The following FRMPD4 variants were observed in gnomAD, a reference collection of about 807,000 sequenced individuals.
FRMPD4 encodes FERM and PDZ domain containing 4.
In FRMPD4, 22 loss-of-function variants were observed where a neutral mutation model predicts 94.1. That is an observed-to-expected ratio of 0.23 (90% CI 0.17 to 0.33). The LOEUF is 0.33. Ranked by LOEUF, FRMPD4 falls within the 10% of genes least tolerant of loss-of-function variation. The pLI is 1.00. For synonymous variants in FRMPD4, 631 were observed against 548.6 expected, an observed-to-expected ratio of 1.15 and a Z score of -2.10; for missense variants, 1,111 against 1,339.9, an observed-to-expected ratio of 0.83 and a Z score of 2.67.
intron 3 of FRMPD4, among the ~76,000 whole-genome samples, chrX:11,985,712 T>A (rs2054426051): frequency 9.0e-6 from 1 of 111,099 alleles, no homozygotes; most frequent in Non-Finnish European, 1.9e-5. Context: ...ACAGACTGAC[T>A]GAAGAGCTCT....
At chrX:12,712,090 T>A (rs769901188) in intron 14 of FRMPD4, among the ~76,000 whole-genome samples, 9 of 111,658 alleles carry the variant, frequency 8.1e-5, no homozygotes, top group Admixed American at 1.9e-4. Context: ...TGATTTTTTT[T>A]AATTTCTCTG....
intron 1 of FRMPD4, among the ~76,000 whole-genome samples, chrX:12,352,717 T>A (rs1250628875): frequency 1.8e-5 from 2 of 112,396 alleles, no homozygotes; most frequent in Non-Finnish European, 3.8e-5. Context: ...CCAAAGAGAA[T>A]AGTTTGGCAA....
chrX:12,286,270 TTTC>T (rs1390888459), intron 1 of FRMPD4, among the ~76,000 whole-genome samples: 3 of 109,233 alleles, frequency 2.7e-5, no homozygotes, highest in African/African-American at 1.1e-4. Flanking sequence ...CTGTTTTTTT[TTTC>T]TTGTGAGATA....
intron 3 of FRMPD4, among the ~76,000 whole-genome samples, chrX:11,988,462 T>C (rs776150462): frequency 8.9e-6 from 1 of 112,295 alleles, no homozygotes; most frequent in South Asian, 3.6e-4. Flanking sequence ...GACTTAAATC[T>C]AAGACCTCAA....
At chrX:12,076,941 T>C (rs1419736344) in intron 3 of FRMPD4, among the ~76,000 whole-genome samples, 1 of 112,146 alleles carries the variant, frequency 8.9e-6, no homozygotes, top group Non-Finnish European at 1.9e-5. Context: ...ATTATTTTAA[T>C]ACCATTTCCA....
chrX:12,161,550 G>A (rs980483377), intron 1 of FRMPD4, among the ~76,000 whole-genome samples: 4 of 111,585 alleles, frequency 3.6e-5, no homozygotes, highest in Non-Finnish European at 7.5e-5. Context: ...TTGTTATTCC[G>A]GTTTTATAGA....
intron 3 of FRMPD4, among the ~76,000 whole-genome samples, chrX:11,986,132 C>A (rs767107030): frequency 8.9e-6 from 1 of 112,346 alleles, no homozygotes; most frequent in South Asian, 3.7e-4. Context: ...CAGTACAGTC[C>A]CAGTGTTGAT....
At chrX:12,384,921 A>G (rs925686791) in intron 1 of FRMPD4, among the ~76,000 whole-genome samples, 7 of 112,277 alleles carry the variant, frequency 6.2e-5, no homozygotes, top group Non-Finnish European at 1.3e-4. Context: ...GTTCCTCAGA[A>G]TATAACTTGA....
intron 3 of FRMPD4, among the ~76,000 whole-genome samples, chrX:12,062,568 C>T (rs906350980): frequency 1.8e-5 from 2 of 111,577 alleles, no homozygotes; most frequent in African/African-American, 6.5e-5. Flanking sequence ...CGGCTCACTG[C>T]AACCTCTGCC....
chrX:12,319,525 T>C (rs2055176629), intron 1 of FRMPD4, among the ~76,000 whole-genome samples: 1 of 111,482 alleles, frequency 9.0e-6, no homozygotes, highest in South Asian at 3.8e-4. Flanking sequence ...TAAGGGAAGA[T>C]AGTTTCTCCC....
At chrX:12,458,431 A>G (rs2057357526) in intron 1 of FRMPD4, among the ~76,000 whole-genome samples, 1 of 111,814 alleles carries the variant, frequency 8.9e-6, no homozygotes, top group Non-Finnish European at 1.9e-5. Flanking sequence ...GGGTAACCAC[A>G]CTAAAACTTA....
intron 1 of FRMPD4, among the ~76,000 whole-genome samples, chrX:12,354,573 C>T (rs1455099318): frequency 8.9e-6 from 1 of 112,514 alleles, no homozygotes; most frequent in Non-Finnish European, 1.9e-5. Context: ...CAAACATTTT[C>T]CAGCATCGGA....
At chrX:12,607,671 G>A (rs769189281) in intron 2 of FRMPD4, among the ~76,000 whole-genome samples, 2 of 112,000 alleles carry the variant, frequency 1.8e-5, no homozygotes, top group Admixed American at 9.4e-5. Flanking sequence ...AGGAATGAGT[G>A]GGGTAAAACT....
At chrX:12,501,834 C>G (rs1242734965) in intron 2 of FRMPD4, among the ~76,000 whole-genome samples, 1 of 111,032 alleles carries the variant, frequency 9.0e-6, no homozygotes, top group East Asian at 2.8e-4. Flanking sequence ...CATAATGAGT[C>G]TTTCAGAACA....
intron 2 of FRMPD4, among the ~76,000 whole-genome samples, chrX:12,507,292 G>A (rs755169263): frequency 3.1e-4 from 35 of 112,101 alleles, no homozygotes; most frequent in African/African-American, 1.1e-3. Context: ...TTCTGTAAAT[G>A]GTCACATAGT....
chrX:12,474,572 A>G (rs2057567433), intron 1 of FRMPD4, among the ~76,000 whole-genome samples: 1 of 111,989 alleles, frequency 8.9e-6, no homozygotes, highest in Non-Finnish European at 1.9e-5. Flanking sequence ...AGTAAGACTA[A>G]TAAAGAAGAA....
intron 1 of FRMPD4, among the ~76,000 whole-genome samples, chrX:11,848,187 TC>T (rs2053593388): frequency 9.0e-6 from 1 of 111,213 alleles, no homozygotes; most frequent in African/African-American, 3.3e-5. Flanking sequence ...CTAGAGAGTT[TC>T]TGTGTTTGCT....
At chrX:12,230,703 G>A (rs1251041973) in intron 1 of FRMPD4, among the ~76,000 whole-genome samples, 1 of 106,308 alleles carries the variant, frequency 9.4e-6, no homozygotes, top group African/African-American at 3.4e-5. Context: ...ATAAACCAAA[G>A]AGTTTTTCTT....
intron 1 of FRMPD4, among the ~76,000 whole-genome samples, chrX:12,428,731 T>A (rs1351665617): frequency 8.9e-6 from 1 of 111,956 alleles, no homozygotes; most frequent in Non-Finnish European, 1.9e-5. Flanking sequence ...TTGAAGTTAT[T>A]TTCTGTTCCT....
Sources: gnomAD v4.1 joint callset for allele counts (sites outside exome capture counted in the v4.1 genomes callset) on GRCh38, gnomAD v4.1.1 for gene constraint, MANE v1.5 for transcripts, NCBI Gene and HGNC (gene_info 2026-07-23, HGNC 2026-07-21) for gene names.